The following BRD9 variants were observed in gnomAD, a reference collection of about 807,000 sequenced individuals.
BRD9 encodes bromodomain-containing protein 9.
Under a neutral mutation model 68.7 loss-of-function variants are expected in BRD9, and 47 were observed. That is an observed-to-expected ratio of 0.68 (90% CI 0.54 to 0.87). The LOEUF is 0.87. Among genes scored for constraint, BRD9 ranks in the 40% least tolerant of loss-of-function variants. The pLI, the probability that BRD9 is intolerant of heterozygous loss-of-function variation, is 0.00. For missense variants in BRD9, 670 were observed against 748.4 expected (o/e 0.90, Z 1.22); for synonymous variants, 313 against 293.9 (o/e 1.06, Z -0.67).
chr5:871,397 C>A, intron 13 of BRD9, 129 bp downstream of exon 13: 1 of 820,340 alleles, frequency 1.2e-6, no homozygotes, highest in South Asian at 1.5e-5. Context: ...CACTATTGAT[C>A]TTACTGATCA....
chr5:874,109 T>C (rs1236317765), intron 12 of BRD9, among the ~76,000 whole-genome samples: 2 of 152,160 alleles, frequency 1.3e-5, no homozygotes, highest in African/African-American at 4.8e-5. Context: ...TTCTAAATGT[T>C]TTTTTATCTT....
In BRD9 at chr5:892,409, G is replaced by GT. The variant is rs1753585136; in HGVS notation, c.52+196dup. The GT allele has an allele frequency of 4.8e-6, 6 of 1,262,824 alleles. No homozygotes were observed. In the African/African-American group the frequency reaches 6.4e-5, roughly 13 times the overall value. 78.2% of individuals were successfully genotyped at this position (1,262,824 alleles called of 1,614,324 possible). On this transcript the variant is annotated intron_variant, in intron 1 of 15. Coordinates refer to ENST00000467963, the MANE Select transcript of BRD9 (RefSeq NM_023924.5). ...GAACCCAGAACCCTCTACCAGGAAC[G>GT]TAAGCGCCTACCCAGGACCCCTCAC...
intron 12 of BRD9, among the ~76,000 whole-genome samples, chr5:873,410 C>G (rs1425280633): frequency 6.6e-6 from 1 of 152,138 alleles, no homozygotes; most frequent in Non-Finnish European, 1.5e-5. Flanking sequence ...TCTCTTCACC[C>G]CAAATTTTTA....
At chr5:884,562 CA>C (rs1366527632) in intron 7 of BRD9, among the ~76,000 whole-genome samples, 1 of 152,252 alleles carries the variant, frequency 6.6e-6, no homozygotes, top group Non-Finnish European at 1.5e-5. Context: ...AGGACGTCAG[CA>C]AGTGGTCCCA....
chr5:866,900 G>T (rs58810192), intron 14 of BRD9, among the ~76,000 whole-genome samples: 3 of 152,228 alleles, frequency 2.0e-5, no homozygotes, highest in African/African-American at 7.2e-5. Flanking sequence ...TGGTAGAAAA[G>T]AAAAACCCAT....
At chr5:870,123 G>C (rs1022112394) in intron 14 of BRD9, among the ~76,000 whole-genome samples, 1 of 152,218 alleles carries the variant, frequency 6.6e-6, no homozygotes, top group Non-Finnish European at 1.5e-5. Context: ...AGAGCCTCCA[G>C]GCGTCCAGCA....
Position 865,729 on chromosome 5 carries a change from G to C in BRD9, c.1526-148C>G, listed in dbSNP as rs527982545. On this transcript the variant is annotated intron_variant, in intron 14 of 15. Transcript: ENST00000467963. ...TGAGTGGACGAGCTCACAGCAGACA[G>C]GTGGACAGGCCTGGAGGACAGACAT... The C allele has an allele frequency of 7.7e-4, 656 of 848,194 alleles. 2 individuals are homozygous for C. Among genetic ancestry groups the C allele is most frequent in the Non-Finnish European group, 1.2e-4 (64 of 551,616 alleles). The allele number at this position is 848,194 out of a possible 1,614,324, so 52.5% of individuals were successfully genotyped here.
At chr5:872,009 G>A (rs1157702371) in intron 12 of BRD9, among the ~76,000 whole-genome samples, 2 of 152,192 alleles carry the variant, frequency 1.3e-5, no homozygotes, top group African/African-American at 4.8e-5. Flanking sequence ...AGGAGCAAAG[G>A]AGGCAGACAC....
At position 889,663 on chromosome 5, in the gene BRD9, A is replaced by C. The variant is rs1409512267; in HGVS notation, c.401-16T>G. The C allele has an allele frequency of 1.1e-5, 17 of 1,611,720 alleles. No individual in the cohort carries two copies. Among genetic ancestry groups the C allele is most frequent in the Non-Finnish European group, 1.4e-5 (17 of 1,178,568 alleles). Reference sequence around the variant, plus strand: ...TCATTTTCGGCTGACAATTTAAGGAAAAAAAAATTGAATACAAGACTTTGG... The same window carrying C: ...TCATTTTCGGCTGACAATTTAAGGACAAAAAAATTGAATACAAGACTTTGG... On this transcript the variant is annotated splice_polypyrimidine_tract_variant and intron_variant, in intron 3 of 15. Coordinates refer to ENST00000467963, the MANE Select transcript of BRD9 (RefSeq NM_023924.5).
intron 7 of BRD9, among the ~76,000 whole-genome samples, chr5:885,378 T>C (rs1449497209): frequency 6.6e-6 from 1 of 152,138 alleles, no homozygotes; most frequent in African/African-American, 2.4e-5. Flanking sequence ...CTTTTGACGG[T>C]TGGAGGGAGC....
chr5:889,871 C>T, intron 3 of BRD9: 3 of 851,328 alleles, frequency 3.5e-6, no homozygotes, highest in Non-Finnish European at 5.3e-6. Context: ...CTTGTAATAA[C>T]CGGTAGCCCT....
At chr5:892,159 G>T (rs543204855) in intron 1 of BRD9, 3 of 438,572 alleles carry the variant, frequency 6.8e-6, no homozygotes, top group Non-Finnish European at 1.2e-5. Context: ...GAACCCCGGA[G>T]CCCGATCTCC....
chr5:873,393 ATTC>A (rs1579928428), intron 12 of BRD9, among the ~76,000 whole-genome samples: 1 of 152,178 alleles, frequency 6.6e-6, no homozygotes, highest in African/African-American at 2.4e-5. Context: ...CTAAGCTAAC[ATTC>A]TTTTCTCTTC....
At chr5:875,481 G>C (rs1046700172) in intron 12 of BRD9, among the ~76,000 whole-genome samples, 4 of 151,888 alleles carry the variant, frequency 2.6e-5, no homozygotes, top group Non-Finnish European at 5.9e-5. Context: ...CCGAGTAGCT[G>C]GGACTACAAG....
In BRD9 at chr5:876,166, C is replaced by T; in HGVS notation, c.1318G>A (p.Val440Met). The change falls in exon 12 of 16, where the codon GTG (valine) becomes ATG (methionine). Residue 440 changes from valine to methionine, a missense_variant. By Grantham distance (21) the Val-to-Met change is conservative. Transcript: ENST00000467963. ...KDAGSYSKKV[V>M]DDLLDQITGG... ...GTGATCTGGTCCAGGAGGTCGTCCA[C>T]CACTTTCTTGCTGTAGCTCCCAGCA... 1 of 1,613,916 alleles carries T rather than the reference C, an allele frequency of 6.2e-7. No individual in the cohort carries two copies. The highest frequency in any genetic ancestry group is 8.5e-7 in the Non-Finnish European group (1 of 1,179,986).
intron 6 of BRD9, among the ~76,000 whole-genome samples, 200 bp downstream of exon 6, chr5:887,161 C>G (rs930958425): frequency 6.6e-6 from 1 of 152,244 alleles, no homozygotes; most frequent in African/African-American, 2.4e-5. Flanking sequence ...GAACTTTCCA[C>G]CAACCCTCAA....
At chr5:891,331 G>A (rs566144160) in intron 2 of BRD9, 44 bp from the exon 3 acceptor site, 29 of 1,541,866 alleles carry the variant, frequency 1.9e-5, no homozygotes, top group Middle Eastern at 1.7e-4. Context: ...GGAGTAGGCG[G>A]GATCCGGACA....
chr5:876,612 C>T (rs896521126), intron 11 of BRD9, among the ~76,000 whole-genome samples: 1 of 152,096 alleles, frequency 6.6e-6, no homozygotes, highest in African/African-American at 2.4e-5. Context: ...AGGGGTGGGC[C>T]GACACTTCCA....
chr5:891,261 C>T lies in BRD9; in HGVS notation c.294G>A (p.Arg98=). ...CCTCTCCCTCCGTGTCACAGTGCTC[C>T]CTCTCTCGCTTCCGCTTCTTCTCTT... ...RKEEKKRKRE[R]EHCDTEGEAD... is the part of the protein sequence containing the mutation. Residue 98 remains arginine, a synonymous_variant, in exon 3 of 16, where the codon AGG becomes AGA. Transcript: ENST00000467963. 1 of 1,551,762 alleles carries T rather than the reference C, an allele frequency of 6.4e-7. No homozygotes were observed. Among genetic ancestry groups the T allele is most frequent in the Non-Finnish European group, 8.7e-7 (1 of 1,146,986 alleles).
Sources: gnomAD v4.1 joint callset for allele counts (sites outside exome capture counted in the v4.1 genomes callset) on GRCh38, gnomAD v4.1.1 for gene constraint, MANE v1.5 for transcripts, NCBI Gene and HGNC (gene_info 2026-07-23, HGNC 2026-07-21) for gene names.